Variants in CR1 observed in about 807,000 individuals in gnomAD.
CR1 encodes the protein complement receptor type 1.
Under a neutral mutation model 187.3 loss-of-function variants are expected in CR1, and 116 were observed. That is an observed-to-expected ratio of 0.62 (90% CI 0.53 to 0.72). The LOEUF (loss-of-function observed/expected upper bound fraction) is 0.72. CR1 is among the 30% of genes least tolerant of loss of function. The pLI, the probability that CR1 is intolerant of heterozygous loss-of-function variation, is 0.00. For synonymous variants in CR1, 576 were observed against 747.1 expected, an observed-to-expected ratio of 0.77 and a Z score of 3.73; for missense variants, 1,731 against 2,110.7, an observed-to-expected ratio of 0.82 and a Z score of 3.52.
At chr1:207,616,512 C>A (rs562589391) in intron 40 of CR1, 63 bp from the exon 41 acceptor site, 2 of 1,551,890 alleles carry the variant, frequency 1.3e-6, no homozygotes, top group African/African-American at 1.4e-5. Context: ...TCACAGGTCA[C>A]TATTGTTTCA....
intron 4 of CR1, among the ~76,000 whole-genome samples, chr1:207,513,849 G>C (rs1158234754): frequency 1.3e-5 from 2 of 149,306 alleles, no homozygotes; most frequent in Non-Finnish European, 3.0e-5. Context: ...CGCTGGCTAG[G>C]ACCACCAGTA....
chr1:207,506,159 T>C (rs756950131), intron 2 of CR1, 76 bp downstream of exon 2: 20 of 1,538,996 alleles, frequency 1.3e-5, no homozygotes, highest in Non-Finnish European at 1.8e-5. Flanking sequence ...TCAAATTTTG[T>C]AACTGAGTTG....
At chr1:207,567,338 T>C (rs1660532823) in intron 24 of CR1, among the ~76,000 whole-genome samples, 1 of 149,320 alleles carries the variant, frequency 6.7e-6, no homozygotes, top group African/African-American at 2.6e-5. Context: ...ATCACTGAGA[T>C]TGATGATCAA....
chr1:207,511,589 C>T lies in CR1; in HGVS notation c.422C>T (p.Ser141Leu), dbSNP rs368197693. 9.7e-5 allele frequency: 157 copies of T among 1,613,192 alleles called. 1 individual carries two copies. Among genetic ancestry groups the T allele is most frequent in the Admixed American group, 2.0e-4 (12 of 59,962 alleles). ...TCTAGATACCGACTCATTGGTTCCT[C>T]GTCTGCCACATGCATCATCTCAGGT... is the stretch of plus-strand genomic sequence containing the variant. ...CTKGYRLIGS[S>L]SATCIISGDT... The change falls in exon 4 of 47, where the codon TCG becomes TTG. Residue 141 changes from serine (S) to leucine (L), a missense_variant. By Grantham distance (145) the Ser-to-Leu change is moderately radical. Coordinates refer to ENST00000367049, the MANE Select transcript of CR1 (RefSeq NM_000651.6).
chr1:207,520,968 GTTTTTTT>G (rs141546660), intron 4 of CR1, among the ~76,000 whole-genome samples: 2 of 44,570 alleles, frequency 4.5e-5, no homozygotes, highest in South Asian at 1.1e-3. Flanking sequence ...TTTTTTGGTT[GTTTTTTT>G]TTTTTTTTTT....
At chr1:207,498,651 G>A (rs1487809556) in intron 1 of CR1, among the ~76,000 whole-genome samples, 1 of 151,940 alleles carries the variant, frequency 6.6e-6, no homozygotes, top group Non-Finnish European at 1.5e-5. Flanking sequence ...GGCTGAGGTG[G>A]GTGGATCACC....
At chr1:207,516,867 G>C (rs564086726) in intron 4 of CR1, among the ~76,000 whole-genome samples, 1 of 152,122 alleles carries the variant, frequency 6.6e-6, no homozygotes, top group Non-Finnish European at 1.5e-5. Flanking sequence ...AATTTGCTGT[G>C]TAATTATGTC....
At chr1:207,634,438 A>C (rs930803840) in intron 46 of CR1, among the ~76,000 whole-genome samples, 1 of 152,206 alleles carries the variant, frequency 6.6e-6, no homozygotes, top group East Asian at 1.9e-4. Flanking sequence ...AATCTGTGCC[A>C]AGCGTTAAGA....
intron 3 of CR1, among the ~76,000 whole-genome samples, chr1:207,508,833 G>A (rs1243429534): frequency 6.6e-6 from 1 of 151,810 alleles, no homozygotes; most frequent in Non-Finnish European, 1.5e-5. Context: ...GTAGCAATCT[G>A]TAACCAATCA....
Position 207,577,713 on chromosome 1 carries a change from T to G in CR1, c.4538-92T>G, listed in dbSNP as rs1660796399. ...TGACCTGGGAAGTAGAGGTTGCAGTTAGCCATGATTGTGCCACTGCACTCC... is the reference window on the plus strand; with the variant it reads ...TGACCTGGGAAGTAGAGGTTGCAGTGAGCCATGATTGTGCCACTGCACTCC... On this transcript the variant is annotated intron_variant, in intron 28 of 46. Coordinates refer to ENST00000367049, the MANE Select transcript of CR1 (RefSeq NM_000651.6). The G allele has an allele frequency of 5.1e-6, 8 of 1,557,980 alleles. No homozygotes were observed. The African/African-American group carries it at 5.4e-5, about 11-fold the overall frequency.
intron 4 of CR1, among the ~76,000 whole-genome samples, chr1:207,520,893 A>G (rs1264160840): frequency 6.9e-6 from 1 of 143,972 alleles, no homozygotes; most frequent in Non-Finnish European, 1.5e-5. Flanking sequence ...CAGATTTTTT[A>G]CAATATTATT....
At chr1:207,586,865 C>A (rs1161419066) in intron 33 of CR1, among the ~76,000 whole-genome samples, 1 of 152,186 alleles carries the variant, frequency 6.6e-6, no homozygotes, top group Non-Finnish European at 1.5e-5. Context: ...ATCTGAAAAA[C>A]CATTATTCCA....
chr1:207,503,745 G>A (rs1453631232), intron 1 of CR1, among the ~76,000 whole-genome samples: 1 of 152,070 alleles, frequency 6.6e-6, no homozygotes, highest in Non-Finnish European at 1.5e-5. Flanking sequence ...CAGGCTTCAG[G>A]GATCAGAACA....
chr1:207,624,054 T>C (rs1229452508), intron 45 of CR1, among the ~76,000 whole-genome samples: 1 of 151,172 alleles, frequency 6.6e-6, no homozygotes, highest in Non-Finnish European at 1.5e-5. Flanking sequence ...GCCTCCTGAG[T>C]AGCTGGGACT....
rs140655957 is a variant in CR1, at chr1:207,584,499, G to A, written c.5303-150G>A. On this transcript the variant is annotated intron_variant, in intron 32 of 46. Coordinates refer to ENST00000367049, the MANE Select transcript of CR1 (RefSeq NM_000651.6). ...TTCATTTAGCTCCATCTTAGCAGAG[G>A]CCTAATACATTTATTTTGCAGTTTC... 652 of 924,748 alleles carry A rather than the reference G, an allele frequency of 7.1e-4. 7 individuals are homozygous for A. In the East Asian group the frequency reaches 0.013, roughly 18 times the overall value. The allele number at this position is 924,748 out of a possible 1,614,324, so 57.3% of individuals were successfully genotyped here.
At chr1:207,602,132 A>G (rs563335595) in intron 35 of CR1, among the ~76,000 whole-genome samples, 2 of 152,248 alleles carry the variant, frequency 1.3e-5, no homozygotes, top group Admixed American at 1.3e-4. Context: ...ACTTGAAGGG[A>G]CATGTATAAA....
Position 207,523,824 on chromosome 1 carries a change from T to C in CR1, c.701T>C (p.Ile234Thr), listed in dbSNP as rs200373331. The change falls in exon 5 of 47, where the codon ATA (isoleucine) becomes ACA (threonine). Residue 234 changes from isoleucine to threonine, a missense_variant. Transcript: ENST00000367049. ...IWSGPAPQCI[I>T]PNKCTPPNVE... ...AGCGGCCCCGCCCCTCAGTGCATTA[T>C]ACCTAACAAATGCACGCCTCCAAAT... 97 of 1,611,644 alleles carry C rather than the reference T, an allele frequency of 6.0e-5. No individual in the cohort carries two copies. In the South Asian group the frequency reaches 8.2e-4, roughly 14 times the overall value.
intron 46 of CR1, among the ~76,000 whole-genome samples, chr1:207,633,416 TATTG>T (rs1391389096): frequency 6.6e-6 from 1 of 152,268 alleles, no homozygotes; most frequent in East Asian, 1.9e-4. Context: ...CTTGAGATTA[TATTG>T]ATTGCACAAT....
chr1:207,623,586 A>AC (rs1399670500), intron 45 of CR1, among the ~76,000 whole-genome samples: 5 of 118,056 alleles, frequency 4.2e-5, no homozygotes, highest in Non-Finnish European at 3.4e-5. Context: ...CTACATCTCA[A>AC]AACACACACA....
Sources: allele counts gnomAD v4.1 joint callset (sites outside exome capture counted in the v4.1 genomes callset), GRCh38; gene constraint gnomAD v4.1.1; transcripts MANE v1.5; gene names NCBI Gene and HGNC (gene_info 2026-07-23, HGNC 2026-07-21).